LMLN: variants seen among roughly 807,000 people sequenced by gnomAD.
LMLN encodes leishmanolysin-like peptidase.
A neutral mutation model predicts 92.3 loss-of-function variants in LMLN; 70 were observed. The ratio of observed to expected loss-of-function variants is 0.76; its 90% CI spans 0.63 to 0.92. The LOEUF (loss-of-function observed/expected upper bound fraction) is 0.92. Among genes scored for constraint, LMLN ranks in the 40% least tolerant of loss-of-function variants. The pLI is 0.00. For missense variants in LMLN, 691 were observed against 814.6 expected (o/e 0.85, Z 1.85); for synonymous variants, 308 against 296.2 (o/e 1.04, Z -0.41).
intron 1 of LMLN, among the ~76,000 whole-genome samples, chr3:197,970,829 C>T (rs1356785109): frequency 1.3e-5 from 2 of 152,242 alleles, no homozygotes; most frequent in Non-Finnish European, 2.9e-5. Flanking sequence ...AATAGTCTTT[C>T]ATATCTATTC....
At chr3:197,972,459 G>A (rs528813149) in intron 1 of LMLN, among the ~76,000 whole-genome samples, 1 of 152,124 alleles carries the variant, frequency 6.6e-6, no homozygotes, top group Non-Finnish European at 1.5e-5. Flanking sequence ...TCTCTTCTGA[G>A]GTTCACTATC....
At chr3:198,016,345 C>T (rs1722640654) in intron 11 of LMLN, among the ~76,000 whole-genome samples, 2 of 152,160 alleles carry the variant, frequency 1.3e-5, no homozygotes, top group Non-Finnish European at 2.9e-5. Context: ...AGGCAGTAGC[C>T]GGAAGCACCG....
intron 9 of LMLN, among the ~76,000 whole-genome samples, chr3:197,993,543 AG>A (rs1382352131): frequency 6.6e-6 from 1 of 152,154 alleles, no homozygotes; most frequent in Non-Finnish European, 1.5e-5. Context: ...AAATTTAACC[AG>A]GGAAGTAAAA....
intron 6 of LMLN, 177 bp downstream of exon 6, chr3:197,980,681 T>C (rs1721531436): frequency 4.0e-6 from 2 of 501,808 alleles, no homozygotes; most frequent in Non-Finnish European, 6.9e-6. Context: ...TAGACTGTTA[T>C]TAATGTGATA....
chr3:197,997,083 T>C (rs1722047402), intron 10 of LMLN, among the ~76,000 whole-genome samples: 1 of 149,338 alleles, frequency 6.7e-6, no homozygotes, highest in Admixed American at 6.6e-5. Flanking sequence ...TTTCCTTTTC[T>C]TTTTCCTTTT....
chr3:197,992,669 A>G (rs1721908599), intron 9 of LMLN, among the ~76,000 whole-genome samples: 1 of 152,224 alleles, frequency 6.6e-6, no homozygotes, highest in African/African-American at 2.4e-5. Flanking sequence ...AGAGAAGCCC[A>G]GGACCAGGTT....
chr3:198,023,896 CT>C (rs1234127402), intron 13 of LMLN, among the ~76,000 whole-genome samples: 1 of 152,222 alleles, frequency 6.6e-6, no homozygotes, highest in African/African-American at 2.4e-5. Flanking sequence ...TATTTGTGGA[CT>C]TCCAGGAGGT....
At chr3:197,971,852 T>A (rs2109850820) in intron 1 of LMLN, among the ~76,000 whole-genome samples, 1 of 152,122 alleles carries the variant, frequency 6.6e-6, no homozygotes, top group East Asian at 1.9e-4. Flanking sequence ...TTCTTTCAAA[T>A]ATATATTCTG....
chr3:197,981,358 C>T lies in LMLN; in HGVS notation c.728+854C>T, dbSNP rs143720217. Among the ~76,000 whole-genome samples the T allele has an allele frequency of 3.9e-3, 596 of 152,200 alleles. 8 individuals are homozygous for T. The highest frequency in any genetic ancestry group is 0.014 in the African/African-American group (575 of 41,524). ...CTGCACTCCAGCCTGGACCACAGAG[C>T]CAGACCCTGTGTCCAAAAAACAACA... On this transcript the variant is annotated intron_variant, in intron 6 of 15. Coordinates refer to ENST00000330198, the Ensembl canonical transcript of LMLN.
intron 9 of LMLN, among the ~76,000 whole-genome samples, chr3:197,991,863 CT>C (rs34726731): frequency 0.21 from 29,057 of 135,696 alleles, 4,819 homozygotes; most frequent in African/African-American, 0.49. Flanking sequence ...TACTGAGCAA[CT>C]TTTTTTTTTT....
chr3:198,038,747 C>G, exon 16 of LMLN: 1 of 1,061,470 alleles, frequency 9.4e-7, no homozygotes, highest in Non-Finnish European at 1.5e-6. Context: ...TGAGTGCCAA[C>G]CTATGCAGAT....
chr3:197,976,338 T>C (rs1581135494), intron 4 of LMLN: 2 of 482,902 alleles, frequency 4.1e-6, no homozygotes, highest in East Asian at 6.7e-5. Flanking sequence ...CTGGGTGTAG[T>C]TGTCCCCTGT....
chr3:197,969,885 T>A (rs1406925911), intron 1 of LMLN, among the ~76,000 whole-genome samples: 1 of 152,232 alleles, frequency 6.6e-6, no homozygotes, highest in Non-Finnish European at 1.5e-5. Context: ...GGCTCATGCT[T>A]GTAATCCCAG....
At chr3:197,966,345 T>TA (rs1270856795) in intron 1 of LMLN, among the ~76,000 whole-genome samples, 1 of 152,196 alleles carries the variant, frequency 6.6e-6, no homozygotes, top group African/African-American at 2.4e-5. Flanking sequence ...CCTGGCCTAT[T>TA]ACATCTTTAA....
chr3:198,009,428 T>G (rs1269395045), intron 11 of LMLN, among the ~76,000 whole-genome samples: 4 of 152,324 alleles, frequency 2.6e-5, no homozygotes, highest in Admixed American at 1.3e-4. Flanking sequence ...AGAAAAAAGT[T>G]CTTTTTTGTA....
In LMLN at chr3:197,960,231, A is replaced by T. The variant is rs112408295; in HGVS notation, c.10A>T (p.Thr4Ser). Residue 4 changes from threonine (T) to serine (S), a missense_variant, in exon 1 of 16, where the codon ACG (threonine) becomes TCG (serine). Coordinates refer to ENST00000330198, the Ensembl canonical transcript of LMLN. ...AGGCGTCACGCACTCCATGGTAACG[A>T]CGCTCGGCCCGAAGATGGCGGCCGA... The T allele has an allele frequency of 9.1e-5, 146 of 1,608,080 alleles. 1 individual carries two copies. The South Asian group carries it at 1.5e-3, about 17-fold the overall frequency.
intron 13 of LMLN, among the ~76,000 whole-genome samples, chr3:198,023,898 TC>T (rs1560154034): frequency 1.3e-5 from 2 of 152,212 alleles, no homozygotes; most frequent in Non-Finnish European, 2.9e-5. Context: ...TTTGTGGACT[TC>T]CAGGAGGTGG....
Position 198,005,316 on chromosome 3 carries a change from A to G in LMLN, c.1232+5974A>G, listed in dbSNP as rs528940840. On this transcript the variant is annotated intron_variant, in intron 11 of 15. Coordinates refer to ENST00000330198, the Ensembl canonical transcript of LMLN. ...ATCTATATATCATCTATACAGATAC[A>G]TATCATACATGTATATATACAGTTG... Among the ~76,000 whole-genome samples the G allele has an allele frequency of 3.1e-3, 477 of 151,914 alleles. 1 individual carries two copies. Among genetic ancestry groups the G allele is most frequent in the African/African-American group, 0.011 (453 of 41,438 alleles).
At chr3:197,996,331 C>A in intron 10 of LMLN, 49 bp downstream of exon 10, 1 of 1,193,150 alleles carries the variant, frequency 8.4e-7, no homozygotes, top group East Asian at 2.6e-5. Flanking sequence ...GAAAATAATT[C>A]ATAATTATGG....
Sources: allele counts gnomAD v4.1 joint callset (sites outside exome capture counted in the v4.1 genomes callset), GRCh38; gene constraint gnomAD v4.1.1; transcripts MANE v1.5; gene names NCBI Gene and HGNC (gene_info 2026-07-23, HGNC 2026-07-21).